THSD7B: variants seen among roughly 807,000 people sequenced by gnomAD.
THSD7B encodes thrombospondin type 1 domain containing 7B.
THSD7B carries 138 observed loss-of-function variants against 213.6 expected under a neutral mutation model. That is an observed-to-expected ratio of 0.65 (90% CI 0.56 to 0.74). The LOEUF (loss-of-function observed/expected upper bound fraction) is 0.74. Ranked by LOEUF, THSD7B falls within the 30% of genes least tolerant of loss-of-function variation. The probability of loss-of-function intolerance (pLI) is 0.00; values close to 1 mark genes in which losing one functional copy is unlikely to be tolerated. For missense variants in THSD7B, 1,931 were observed against 1,991.5 expected, an observed-to-expected ratio of 0.97 and a Z score of 0.58; for synonymous variants, 742 against 687.0, an observed-to-expected ratio of 1.08 and a Z score of -1.25.
At chr2:137,214,328 C>T (rs906223913) in intron 7 of THSD7B, among the ~76,000 whole-genome samples, 3 of 152,046 alleles carry the variant, frequency 2.0e-5, no homozygotes, top group African/African-American at 7.2e-5. Context: ...GGAAATTGAA[C>T]TATTAAAATG....
At chr2:137,293,203 A>G (rs923871260) in intron 12 of THSD7B, among the ~76,000 whole-genome samples, 16 of 152,132 alleles carry the variant, frequency 1.1e-4, no homozygotes, top group Non-Finnish European at 1.9e-4. Context: ...CAGAGGCACA[A>G]TCATGGCTCA....
rs1687168343 is a variant in THSD7B at position 137,056,658 on chromosome 2, T to A, written c.378T>A (p.Pro126=). 1 of 1,613,846 alleles carries A rather than the reference T, an allele frequency of 6.2e-7. No individual in the cohort carries two copies. The highest frequency in any genetic ancestry group is 1.7e-5 in the Admixed American group (1 of 59,994). ...CTTACGCTCGCGGTGAAGTCAAGCC[T>A]CGGACTGCAGAGTGTGTGACGGCTC... The part of the protein sequence containing the change: ...LVPYARGEVK[P]RTAECVTAQH... Residue 126 remains proline (P), a synonymous_variant, in exon 3 of 28, where the codon CCT becomes CCA. Transcript: ENST00000409968.
intron 12 of THSD7B, among the ~76,000 whole-genome samples, chr2:137,285,021 T>C (rs946897249): frequency 6.6e-6 from 1 of 152,250 alleles, no homozygotes; most frequent in East Asian, 1.9e-4. Flanking sequence ...CCCATTATTA[T>C]TGTGTGGGAG....
At chr2:136,876,020 G>A (rs528096985) in intron 1 of THSD7B, among the ~76,000 whole-genome samples, 2 of 152,072 alleles carry the variant, frequency 1.3e-5, no homozygotes, top group Non-Finnish European at 2.9e-5. Context: ...AGTTTTCATG[G>A]TAGTGATCTG....
At chr2:137,594,069 G>A (rs1681913981) in intron 17 of THSD7B, among the ~76,000 whole-genome samples, 1 of 152,042 alleles carries the variant, frequency 6.6e-6, no homozygotes, top group East Asian at 1.9e-4. Context: ...AGGTATAGAG[G>A]GGAAGCAGAA....
chr2:137,018,163 A>G (rs574906631), intron 2 of THSD7B, among the ~76,000 whole-genome samples: 3 of 152,240 alleles, frequency 2.0e-5, no homozygotes, highest in East Asian at 3.9e-4. Context: ...TATCAGGCAA[A>G]TGCATTTTAT....
chr2:136,971,566 ATTGC>A (rs1685404147), intron 2 of THSD7B, among the ~76,000 whole-genome samples: 2 of 151,600 alleles, frequency 1.3e-5, no homozygotes, highest in South Asian at 4.2e-4. Context: ...AAATGTAATT[ATTGC>A]TTATCACTGA....
At chr2:137,213,152 G>A (rs6730961) in intron 7 of THSD7B, among the ~76,000 whole-genome samples, 90,137 of 150,944 alleles carry the variant, frequency 0.6, 27,335 homozygotes, top group South Asian at 0.71. Context: ...TATATTGGGA[G>A]CACACAACCA....
At chr2:137,263,478 T>C (rs1682499989) in intron 10 of THSD7B, among the ~76,000 whole-genome samples, 1 of 152,104 alleles carries the variant, frequency 6.6e-6, no homozygotes, top group African/African-American at 2.4e-5. Context: ...ATCAGAGCCC[T>C]GAAGGTCTTG....
rs76681835 is a variant in THSD7B at position 137,479,425 on chromosome 2, G to T, written c.3138+28402G>T. On this transcript the variant is annotated intron_variant, in intron 15 of 27. Transcript: ENST00000409968. Reference sequence around the variant, plus strand: ...CTCTGGCTTCCCAGTGGTGCATGCAGGTGCTGGCTGTGGCAGACAGGGATG... The same window carrying T: ...CTCTGGCTTCCCAGTGGTGCATGCATGTGCTGGCTGTGGCAGACAGGGATG... 8.2e-3 allele frequency: 2,739 copies of T among 334,578 alleles called. 65 individuals carry two copies. Among genetic ancestry groups the T allele is most frequent in the African/African-American group, 0.048 (2,232 of 46,242 alleles). 20.7% of individuals were successfully genotyped at this position (334,578 alleles called of 1,614,324 possible).
chr2:137,465,080 C>A (rs192921701), intron 15 of THSD7B, among the ~76,000 whole-genome samples: 1 of 152,134 alleles, frequency 6.6e-6, no homozygotes, highest in Non-Finnish European at 1.5e-5. Flanking sequence ...GGCTTCAGAA[C>A]AATCCTACAA....
intron 17 of THSD7B, among the ~76,000 whole-genome samples, chr2:137,598,462 T>C (rs1329159465): frequency 1.3e-5 from 2 of 152,214 alleles, no homozygotes; most frequent in African/African-American, 4.8e-5. Context: ...GTTCACTAAT[T>C]CATAGAATAA....
At chr2:136,934,988 G>T (rs556580974) in intron 2 of THSD7B, among the ~76,000 whole-genome samples, 13 of 152,164 alleles carry the variant, frequency 8.5e-5, no homozygotes, top group African/African-American at 2.9e-4. Context: ...GAGAATTTAA[G>T]AAACTTTCAA....
At chr2:137,126,602 A>G (rs1365988028) in intron 5 of THSD7B, among the ~76,000 whole-genome samples, 6 of 152,128 alleles carry the variant, frequency 3.9e-5, no homozygotes, top group African/African-American at 1.4e-4. Context: ...CTTTATATCA[A>G]CAATCAGACT....
At chr2:136,947,011 G>A (rs1684953133) in intron 2 of THSD7B, among the ~76,000 whole-genome samples, 2 of 152,194 alleles carry the variant, frequency 1.3e-5, no homozygotes. Context: ...ACCAGTCCCA[G>A]TGAGATGAAC....
intron 15 of THSD7B, among the ~76,000 whole-genome samples, chr2:137,510,943 A>G (rs1679948851): frequency 6.6e-6 from 1 of 152,210 alleles, no homozygotes; most frequent in Non-Finnish European, 1.5e-5. Context: ...CTACTATGCC[A>G]CATATACCTA....
intron 18 of THSD7B, among the ~76,000 whole-genome samples, chr2:137,617,301 A>G (rs1371974826): frequency 2.6e-5 from 4 of 152,216 alleles, no homozygotes; most frequent in Non-Finnish European, 5.9e-5. Flanking sequence ...AAACTATTAG[A>G]TCATCTACCA....
At chr2:137,658,728 A>C (rs1002338964) in intron 24 of THSD7B, among the ~76,000 whole-genome samples, 3 of 152,104 alleles carry the variant, frequency 2.0e-5, no homozygotes, top group Admixed American at 6.5e-5. Context: ...TCTTTGTGTT[A>C]TTTTTCAAGT....
intron 2 of THSD7B, among the ~76,000 whole-genome samples, chr2:137,027,077 G>A (rs1464878361): frequency 6.6e-6 from 1 of 152,100 alleles, no homozygotes; most frequent in African/African-American, 2.4e-5. Flanking sequence ...TATATTTCTA[G>A]CCTGTGATAT....
Sources: allele counts gnomAD v4.1 joint callset (sites outside exome capture counted in the v4.1 genomes callset), GRCh38; gene constraint gnomAD v4.1.1; transcripts MANE v1.5; gene names NCBI Gene and HGNC (gene_info 2026-07-23, HGNC 2026-07-21).